The following ZBTB5 variants were observed in gnomAD, a reference collection of about 807,000 sequenced individuals.
ZBTB5 encodes the protein zinc finger and BTB domain containing 5.
A neutral mutation model predicts 37.9 loss-of-function variants in ZBTB5; 15 were observed. The ratio of observed to expected loss-of-function variants is 0.40; its 90% CI spans 0.26 to 0.61. The LOEUF is 0.61. Among genes scored for constraint, ZBTB5 ranks in the 20% least tolerant of loss-of-function variants. The pLI, the probability that ZBTB5 is intolerant of heterozygous loss-of-function variation, is 0.47. For missense variants in ZBTB5, 708 were observed against 856.8 expected, an observed-to-expected ratio of 0.83 and a Z score of 2.17; for synonymous variants, 315 against 312.4, an observed-to-expected ratio of 1.01 and a Z score of -0.09.
chr9:37,453,036 G>A (rs1034613624), intron 1 of ZBTB5, among the ~76,000 whole-genome samples: 3 of 152,196 alleles, frequency 2.0e-5, no homozygotes, highest in Admixed American at 6.5e-5. Flanking sequence ...TGGATAAACA[G>A]ATGCTACTGT....
At chr9:37,455,946 A>AT (rs57792865) in intron 1 of ZBTB5, among the ~76,000 whole-genome samples, 8,368 of 141,434 alleles carry the variant, frequency 0.059, 252 homozygotes, top group Middle Eastern at 0.14. Context: ...GCAGGCTAGG[A>AT]TTTTTTTTTT....
At chr9:37,464,642 C>T (rs933806442) in intron 1 of ZBTB5, among the ~76,000 whole-genome samples, 1 of 152,250 alleles carries the variant, frequency 6.6e-6, no homozygotes, top group African/African-American at 2.4e-5. Flanking sequence ...CCGCATCCCC[C>T]ACAGCTCCTC....
At chr9:37,453,109 CCT>C (rs1481962854) in intron 1 of ZBTB5, among the ~76,000 whole-genome samples, 2 of 152,184 alleles carry the variant, frequency 1.3e-5, no homozygotes, top group African/African-American at 4.8e-5. Context: ...ATCCCCTACC[CCT>C]GTCCCATAAC....
At chr9:37,442,993 A>C (rs1276648511) in intron 1 of ZBTB5, among the ~76,000 whole-genome samples, 5 of 152,220 alleles carry the variant, frequency 3.3e-5, no homozygotes, top group Non-Finnish European at 5.9e-5. Flanking sequence ...GAAGATTTCC[A>C]GTTATAGATG....
intron 1 of ZBTB5, among the ~76,000 whole-genome samples, chr9:37,462,046 G>C (rs1377899379): frequency 6.6e-6 from 1 of 152,124 alleles, no homozygotes; most frequent in East Asian, 1.9e-4. Flanking sequence ...TTACTATGTT[G>C]CCTGGGCTGG....
At chr9:37,463,387 G>C (rs930076165) in intron 1 of ZBTB5, among the ~76,000 whole-genome samples, 1 of 152,098 alleles carries the variant, frequency 6.6e-6, no homozygotes, top group African/African-American at 2.4e-5. Context: ...AACTGACAGA[G>C]GGGGAAAGTA....
chr9:37,450,395 C>A (rs73646386), intron 1 of ZBTB5, among the ~76,000 whole-genome samples: 1 of 151,772 alleles, frequency 6.6e-6, no homozygotes, highest in East Asian at 1.9e-4. Flanking sequence ...GGGGCCCATA[C>A]AGGTCACTGG....
In ZBTB5 at chr9:37,440,928, T is replaced by C. The variant is rs1336289863; in HGVS notation, c.1624A>G (p.Met542Val). The C allele has an allele frequency of 6.2e-7, 1 of 1,614,176 alleles. No individual in the cohort carries two copies. The highest frequency in any genetic ancestry group is 1.7e-5 in the Admixed American group (1 of 60,026). ...FPYYRRIAPK[M>V]PVVTSVRSSQ... ...CTCCTGACGGAAGTTACAACTGGCA[T>C]TTTGGGAGCTATGCGGCGGTAGTAA... is the stretch of plus-strand genomic sequence containing the variant. Residue 542 changes from methionine to valine, a missense_variant, in exon 2 of 2, where the codon ATG (methionine) becomes GTG (valine). Physicochemically the swap from Met to Val is conservative, Grantham distance 21. Around this residue, in one of 3 missense-constraint regions of ZBTB5, gnomAD observed 639 missense variants for 690.5 expected, o/e 0.93. Transcript: ENST00000307750.
rs1393259585 is a variant in ZBTB5 at position 37,453,521 on chromosome 9, C to CT, written c.-4-10967dup. 3.9e-5 allele frequency among the ~76,000 whole-genome samples: 6 copies of CT among 152,152 alleles called. No individual in the cohort carries two copies. In the South Asian group the frequency reaches 1.2e-3, roughly 32 times the overall value. On this transcript the variant is annotated intron_variant, in intron 1 of 1. Coordinates refer to ENST00000307750, the MANE Select transcript of ZBTB5 (RefSeq NM_014872.3). ...ACTAAGTAACTGTAACGGTGTGAAA[C>CT]TTTTTTACCATTTCCCCACAAATCA...
In ZBTB5 at chr9:37,438,282, T is replaced by C. The variant is rs138716946; in HGVS notation, c.*2236A>G. On this transcript the variant is annotated 3_prime_UTR_variant, in exon 2 of 2. Coordinates refer to ENST00000307750, the MANE Select transcript of ZBTB5 (RefSeq NM_014872.3). Reference sequence around the variant, plus strand: ...TAAGGCTAACCAATCAAAATTCAGGTACCCAAAACCAGTTATAATCCAGGT... The same window carrying C: ...TAAGGCTAACCAATCAAAATTCAGGCACCCAAAACCAGTTATAATCCAGGT... The C allele has an allele frequency of 2.6e-5, 4 of 152,696 alleles. No individual in the cohort carries two copies. The highest frequency in any genetic ancestry group is 2.0e-4 in the Admixed American group (3 of 15,296). 9.5% of individuals were successfully genotyped at this position (152,696 alleles called of 1,614,324 possible). A position where few individuals can be genotyped will look rare whatever the true frequency, so the allele number is the denominator to read the frequency against.
intron 1 of ZBTB5, among the ~76,000 whole-genome samples, chr9:37,446,876 T>C (rs1172255565): frequency 2.0e-5 from 3 of 152,210 alleles, no homozygotes; most frequent in African/African-American, 7.2e-5. Flanking sequence ...GGAAGAAACA[T>C]TCTGGTTTGA....
intron 1 of ZBTB5, among the ~76,000 whole-genome samples, chr9:37,443,073 G>A (rs970746183): frequency 9.9e-5 from 15 of 152,142 alleles, no homozygotes; most frequent in Non-Finnish European, 1.9e-4. Flanking sequence ...CACGAAGCCC[G>A]GCATGGAGGC....
At chr9:37,459,864 C>T (rs1057316115) in intron 1 of ZBTB5, among the ~76,000 whole-genome samples, 3 of 151,892 alleles carry the variant, frequency 2.0e-5, no homozygotes, top group African/African-American at 7.3e-5. Flanking sequence ...GCGCCCGCCA[C>T]CACACCTGGC....
intron 1 of ZBTB5, among the ~76,000 whole-genome samples, chr9:37,461,428 T>C (rs1309643666): frequency 6.6e-6 from 1 of 152,132 alleles, no homozygotes; most frequent in Admixed American, 6.5e-5. Context: ...CATTTTAAAC[T>C]TAAGAAAATG....
chr9:37,453,467 C>A (rs1824137433), intron 1 of ZBTB5, among the ~76,000 whole-genome samples: 1 of 152,076 alleles, frequency 6.6e-6, no homozygotes, highest in African/African-American at 2.4e-5. Context: ...GGTGTGAGCA[C>A]CATGAAGTTT....
At chr9:37,443,460 C>T (rs967306482) in intron 1 of ZBTB5, among the ~76,000 whole-genome samples, 7 of 152,070 alleles carry the variant, frequency 4.6e-5, no homozygotes, top group African/African-American at 1.4e-4. Flanking sequence ...TGCTAACTGA[C>T]TCAGCACACC....
At chr9:37,458,881 A>C (rs1824238043) in intron 1 of ZBTB5, among the ~76,000 whole-genome samples, 1 of 152,234 alleles carries the variant, frequency 6.6e-6, no homozygotes, top group Non-Finnish European at 1.5e-5. Flanking sequence ...CAGAATATGA[A>C]AAGTTCATTG....
chr9:37,460,440 C>T (rs534618981), intron 1 of ZBTB5, among the ~76,000 whole-genome samples: 2 of 151,620 alleles, frequency 1.3e-5, no homozygotes. Context: ...ACACTCCCCC[C>T]CCAAAAAAAT....
rs1327916684 is a variant in ZBTB5, at chr9:37,438,436, C to T, written c.*2082G>A. On this transcript the variant is annotated 3_prime_UTR_variant, in exon 2 of 2. Transcript: ENST00000307750. ...CTTCTCACACGTAGAAACTGACAGA[C>T]TAAGAGGTAGATGAGAGATTCCAGG... The T allele has an allele frequency of 6.6e-6, 1 of 152,548 alleles. No individual in the cohort carries two copies. The highest frequency in any genetic ancestry group is 1.5e-5 in the Non-Finnish European group (1 of 68,042). 9.4% of individuals were successfully genotyped at this position (152,548 alleles called of 1,614,324 possible).
Sources: gnomAD v4.1 joint callset for allele counts (sites outside exome capture counted in the v4.1 genomes callset) on GRCh38, gnomAD v4.1.1 for gene constraint, gnomAD v4.1.1 regional missense constraint, MANE v1.5 for transcripts, NCBI Gene and HGNC (gene_info 2026-07-23, HGNC 2026-07-21) for gene names.